The following UBIAD1 variants were observed in gnomAD, a reference collection of about 807,000 sequenced individuals.
UBIAD1 encodes UbiA prenyltransferase domain containing 1, also known as ubiA prenyltransferase domain-containing protein 1.
A neutral mutation model predicts 20.1 loss-of-function variants in UBIAD1; 12 were observed. The ratio of observed to expected loss-of-function variants is 0.60; its 90% CI spans 0.38 to 0.97. The LOEUF is 0.97. Among genes scored for constraint, UBIAD1 ranks in the 50% least tolerant of loss-of-function variants. UBIAD1 has a pLI of 0.00. For missense variants in UBIAD1, 333 were observed against 419.5 expected, an observed-to-expected ratio of 0.79 and a Z score of 1.80; for synonymous variants, 207 against 189.2, an observed-to-expected ratio of 1.09 and a Z score of -0.77.
intron 1 of UBIAD1, among the ~76,000 whole-genome samples, chr1:11,294,673 G>A (rs1339193893): frequency 6.6e-6 from 1 of 152,210 alleles, no homozygotes; most frequent in African/African-American, 2.4e-5. Context: ...GGCCAGCTCT[G>A]TGGGGATAGT....
Position 11,285,727 on chromosome 1 carries a change from A to C in UBIAD1, c.613A>C (p.Ile205Leu). The C allele has an allele frequency of 6.2e-7, 1 of 1,614,120 alleles. No homozygotes were observed. The highest frequency in any genetic ancestry group is 1.1e-5 in the South Asian group (1 of 91,072). Residue 205 changes from isoleucine (I) to leucine (L), a missense_variant, in exon 2 of 2, where the codon ATC becomes CTC. Physicochemically the swap from Ile to Leu is conservative, Grantham distance 5. Transcript: ENST00000376810. This position sits in a 1 kb window ranked among gnomAD's most constrained non-coding sequence, Gnocchi z 4.4. ...GPLAVMFAYA[I>L]QVGSLAIFPL... ...GCTGGCTGTGATGTTCGCCTACGCC[A>C]TCCAGGTGGGGTCCCTGGCCATCTT... is the stretch of plus-strand genomic sequence containing the variant.
At position 11,273,900 on chromosome 1, in the gene UBIAD1, C is replaced by T; in HGVS notation, c.369C>T (p.Asp123=). The T allele has an allele frequency of 6.2e-7, 1 of 1,614,238 alleles. No individual in the cohort carries two copies. The highest frequency in any genetic ancestry group is 1.1e-5 in the South Asian group (1 of 91,090). ...AGAGTGATGACAGGACACTTGTGGA[C>T]CGAATCTTGGAGCCGCAGGATGTCG... The part of the protein sequence containing the change: ...HKKSDDRTLV[D]RILEPQDVVR... The change falls in exon 1 of 2, where the codon GAC becomes GAT. Residue 123 remains aspartate (D), a synonymous_variant. Transcript: ENST00000376810. The surrounding 1 kb of genome is among the most constrained non-coding windows in gnomAD (Gnocchi z 4.9).
In UBIAD1 at chr1:11,286,020, C is replaced by T. The variant is rs1222224434; in HGVS notation, c.906C>T (p.Ser302=). ...TCTCCCTTGAGAGACAGTTTCGAAG[C>T]CAGGCCTTCAACAAACTGCCCCAGA... ...MAFSLERQFR[S]QAFNKLPQRT... Residue 302 remains serine, a synonymous_variant, in exon 2 of 2, where the codon AGC becomes AGT. Coordinates refer to ENST00000376810, the MANE Select transcript of UBIAD1 (RefSeq NM_013319.3). 8 of 1,614,108 alleles carry T rather than the reference C, an allele frequency of 5.0e-6. No homozygotes were observed. Among genetic ancestry groups the T allele is most frequent in the African/African-American group, 4.0e-5 (3 of 74,950 alleles).
intron 1 of UBIAD1, among the ~76,000 whole-genome samples, chr1:11,280,365 G>A (rs1396795242): frequency 6.6e-6 from 1 of 152,112 alleles, no homozygotes; most frequent in Non-Finnish European, 1.5e-5. Context: ...AACCTCCAGG[G>A]CTCAGTCCTT....
At chr1:11,290,096 C>T (rs1271937431), downstream of UBIAD1, among the ~76,000 whole-genome samples, 1 of 152,102 alleles carries the variant, frequency 6.6e-6, no homozygotes, top group Non-Finnish European at 1.5e-5. Flanking sequence ...GAAATCCTGA[C>T]CTCAGGCTAT....
At chr1:11,291,920 A>G (rs1399253025), downstream of UBIAD1, 1 of 152,106 alleles carries the variant, frequency 6.6e-6, no homozygotes, top group African/African-American at 2.4e-5. Flanking sequence ...GTGGCTTCAA[A>G]GGGTAAAACT....
At chr1:11,280,432 A>G (rs755285842) in intron 1 of UBIAD1, among the ~76,000 whole-genome samples, 8 of 152,184 alleles carry the variant, frequency 5.3e-5, no homozygotes, top group Non-Finnish European at 7.3e-5. Context: ...ATGGCTTCAG[A>G]TGCCATCTGT....
Position 11,276,562 on chromosome 1 carries a change from G to A in UBIAD1, c.529+2502G>A, listed in dbSNP as rs538503695. Among the ~76,000 whole-genome samples the A allele has an allele frequency of 2.6e-5, 4 of 151,786 alleles. No homozygotes were observed. The East Asian group carries it at 7.8e-4, about 29-fold the overall frequency. On this transcript the variant is annotated intron_variant, in intron 1 of 1. Coordinates refer to ENST00000376810, the MANE Select transcript of UBIAD1 (RefSeq NM_013319.3). ...GCCTGTAGTCCTAGCTACTCGGGAG[G>A]CTGAGGCAGGAGGATTGCTTGAGCC...
At chr1:11,275,077 G>A (rs1000445016) in intron 1 of UBIAD1, among the ~76,000 whole-genome samples, 2 of 152,208 alleles carry the variant, frequency 1.3e-5, no homozygotes, top group Admixed American at 6.5e-5. Flanking sequence ...GTAGTGATGG[G>A]CAGGTGGGTA....
intron 1 of UBIAD1, among the ~76,000 whole-genome samples, chr1:11,275,337 C>T (rs766230735): frequency 6.6e-6 from 1 of 151,998 alleles, no homozygotes; most frequent in African/African-American, 2.4e-5. Context: ...ATTGATCACC[C>T]TGATTATAGT....
At chr1:11,295,823 C>G (rs1282539805), downstream of UBIAD1, 3 of 152,264 alleles carry the variant, frequency 2.0e-5, no homozygotes, top group African/African-American at 7.2e-5. Context: ...ATAAACGAGG[C>G]ACACCCCTGC....
chr1:11,278,589 A>G (rs1011429496), intron 1 of UBIAD1: 2 of 1,336,276 alleles, frequency 1.5e-6, no homozygotes, highest in Admixed American at 2.8e-5. Flanking sequence ...TTGATATAAG[A>G]CAAGTTTGAG....
rs199937430 is a variant in UBIAD1 at position 11,286,086 on chromosome 1, C to T, written c.972C>T (p.Val324=). ...KLNLLLGLFY[V]FGIILAPAGS... ...ACCTCCTGCTGGGACTTTTCTATGT[C>T]TTTGGCATCATTCTGGCACCAGCAG... Residue 324 remains valine, a synonymous_variant, in exon 2 of 2, where the codon GTC becomes GTT. Transcript: ENST00000376810. 6 of 1,614,184 alleles carry T rather than the reference C, an allele frequency of 3.7e-6. No individual in the cohort carries two copies. In the Admixed American group the frequency reaches 6.7e-5, roughly 18 times the overall value.
At position 11,273,294 on chromosome 1, in the gene UBIAD1, C is replaced by T; in HGVS notation, c.-238C>T. 1.7e-6 allele frequency: 1 copy of T among 573,628 alleles called. No homozygotes were observed. The highest frequency in any genetic ancestry group is 3.1e-6 in the Non-Finnish European group (1 of 320,888). 35.5% of individuals were successfully genotyped at this position (573,628 alleles called of 1,614,324 possible). A position where few individuals can be genotyped will look rare whatever the true frequency, so the allele number is the denominator to read the frequency against. ...CTCAGCCGTGGGCTCTAACGCGGGGCTGGGGGCCGGAGACAGACTTCGCCC... is the reference window on the plus strand; with the variant it reads ...CTCAGCCGTGGGCTCTAACGCGGGGTTGGGGGCCGGAGACAGACTTCGCCC... On this transcript the variant is annotated 5_prime_UTR_variant, in exon 1 of 2. Transcript: ENST00000376810. The surrounding 1 kb of genome is among the most constrained non-coding windows in gnomAD (Gnocchi z 4.9).
At chr1:11,278,299 T>C (rs1652125821) in intron 1 of UBIAD1, among the ~76,000 whole-genome samples, 2 of 152,150 alleles carry the variant, frequency 1.3e-5, no homozygotes, top group South Asian at 2.1e-4. Context: ...GAAACACACA[T>C]GCTTCCACTG....
intron 1 of UBIAD1, among the ~76,000 whole-genome samples, chr1:11,276,073 T>A (rs925080724): frequency 1.3e-5 from 2 of 152,094 alleles, no homozygotes; most frequent in African/African-American, 4.8e-5. Flanking sequence ...TGTAATATAA[T>A]GTTTTAAAAG....
chr1:11,285,622 T>C lies in UBIAD1; in HGVS notation c.530-22T>C. ...TTTCCAGCCTTGGTCTCACACCAAC[T>C]CTCTGGATTTTCTGGCCGCAGGAAT... On this transcript the variant is annotated intron_variant, in intron 1 of 1. Transcript: ENST00000376810. The surrounding 1 kb of genome is among the most constrained non-coding windows in gnomAD (Gnocchi z 4.4). The C allele has an allele frequency of 6.2e-7, 1 of 1,614,022 alleles. No individual in the cohort carries two copies.
At chr1:11,291,622 A>G (rs923425149), downstream of UBIAD1, among the ~76,000 whole-genome samples, 36 of 152,130 alleles carry the variant, frequency 2.4e-4, no homozygotes, top group African/African-American at 6.5e-4. Context: ...AAAAAAAAAA[A>G]AAAGAAATAT....
At chr1:11,295,165 C>A, downstream of UBIAD1, 3 of 508,044 alleles carry the variant, frequency 5.9e-6, no homozygotes, top group South Asian at 7.5e-5. Flanking sequence ...CACAGAACAT[C>A]AAGGTAGAGA....
Sources: allele counts gnomAD v4.1 joint callset (sites outside exome capture counted in the v4.1 genomes callset), GRCh38; gene constraint gnomAD v4.1.1; non-coding constraint Gnocchi (gnomAD v3.1); transcripts MANE v1.5; gene names NCBI Gene and HGNC (gene_info 2026-07-23, HGNC 2026-07-21).